The following ITGB8 variants were observed in gnomAD, a reference collection of about 807,000 sequenced individuals.
ITGB8 encodes the protein integrin subunit beta 8.
A neutral mutation model predicts 89.5 loss-of-function variants in ITGB8; 30 were observed. The ratio of observed to expected loss-of-function variants is 0.34; its 90% CI spans 0.25 to 0.45. ITGB8 has a LOEUF of 0.45. Among genes scored for constraint, ITGB8 ranks in the 20% least tolerant of loss-of-function variants. The pLI is 1.00. For missense variants in ITGB8, 836 were observed against 933.3 expected (o/e 0.90, Z 1.36); for synonymous variants, 335 against 320.4 (o/e 1.05, Z -0.49).
chr7:20,349,125 CT>C (rs1334674517), intron 1 of ITGB8, among the ~76,000 whole-genome samples: 1 of 151,970 alleles, frequency 6.6e-6, no homozygotes, highest in African/African-American at 2.4e-5. Context: ...ATTATCTATC[CT>C]ATAAGATACA....
In ITGB8 at chr7:20,361,516, T is replaced by G. The variant is rs116690593; in HGVS notation, c.128-2121T>G. ...GGAAGCGCAGAAGCACAAAGAGAGCTAAAAGCTTTGGAGCCTTAATCCCAT... is the reference window on the plus strand; with the variant it reads ...GGAAGCGCAGAAGCACAAAGAGAGCGAAAAGCTTTGGAGCCTTAATCCCAT... On this transcript the variant is annotated intron_variant, in intron 1 of 13. Coordinates refer to ENST00000222573, the MANE Select transcript of ITGB8 (RefSeq NM_002214.3). 7.1e-3 allele frequency among the ~76,000 whole-genome samples: 1,085 copies of G among 152,280 alleles called. 21 individuals carry two copies. The highest frequency in any genetic ancestry group is 0.024 in the African/African-American group (1,016 of 41,544).
intron 3 of ITGB8, among the ~76,000 whole-genome samples, chr7:20,367,958 A>G (rs568417132): frequency 6.6e-6 from 1 of 152,352 alleles, no homozygotes; most frequent in Non-Finnish European, 1.5e-5. Context: ...AATTGGATGC[A>G]TGTAGTTTAA....
At chr7:20,383,664 C>T (rs947212047) in intron 6 of ITGB8, among the ~76,000 whole-genome samples, 29 of 152,034 alleles carry the variant, frequency 1.9e-4, no homozygotes. Context: ...GGGAGGATTT[C>T]CTAGGCAAAG....
At chr7:20,403,225 G>C (rs144848490) in intron 10 of ITGB8, among the ~76,000 whole-genome samples, 2 of 152,160 alleles carry the variant, frequency 1.3e-5, no homozygotes, top group Admixed American at 6.5e-5. Flanking sequence ...ATGGATTATA[G>C]ATGACTTTAG....
chr7:20,389,158 G>C (rs1786753820), intron 6 of ITGB8, among the ~76,000 whole-genome samples: 1 of 152,026 alleles, frequency 6.6e-6, no homozygotes. Flanking sequence ...GGGATTGCTG[G>C]GTCCAATGAT....
At chr7:20,354,627 A>G (rs1294492550) in intron 1 of ITGB8, among the ~76,000 whole-genome samples, 4 of 152,180 alleles carry the variant, frequency 2.6e-5, no homozygotes, top group Non-Finnish European at 5.9e-5. Context: ...CTCGGCTTCT[A>G]TGAGACAAGT....
At position 20,401,887 on chromosome 7, in the gene ITGB8, A is replaced by G. The variant is rs779022693; in HGVS notation, c.1448A>G (p.Asp483Gly). 1 of 1,614,116 alleles carries G rather than the reference A, an allele frequency of 6.2e-7. No homozygotes were observed. The highest frequency in any genetic ancestry group is 8.5e-7 in the Non-Finnish European group (1 of 1,179,984). ...DNRGPKGKCV[D>G]ETFLDSKCFQ... ...AGAGGACCTAAAGGAAAGTGTGTAG[A>G]TGAAACTTTTCTAGATTCCAAGTGT... The change falls in exon 10 of 14, where the codon GAT becomes GGT. Residue 483 changes from aspartate (D) to glycine (G), a missense_variant. This residue lies in a region of ITGB8 where 422 missense variants were observed against 416.9 expected (regional missense o/e 1.01). Coordinates refer to ENST00000222573, the MANE Select transcript of ITGB8 (RefSeq NM_002214.3).
intron 3 of ITGB8, 147 bp downstream of exon 3, chr7:20,367,333 G>A (rs1225893980): frequency 1.8e-5 from 12 of 666,990 alleles, no homozygotes; most frequent in Non-Finnish European, 3.1e-5. Context: ...TAGAATTCTA[G>A]TCTTTATAGT....
intron 10 of ITGB8, among the ~76,000 whole-genome samples, chr7:20,403,559 G>A (rs572212790): frequency 9.2e-5 from 14 of 152,292 alleles, no homozygotes; most frequent in African/African-American, 2.9e-4. Flanking sequence ...GCCTGCTGGC[G>A]GGGAGTCAGC....
chr7:20,341,432 T>C (rs1463885920), intron 1 of ITGB8, among the ~76,000 whole-genome samples: 1 of 152,138 alleles, frequency 6.6e-6, no homozygotes, highest in African/African-American at 2.4e-5. Context: ...ACAAGGGCCC[T>C]AAAGTGAGGG....
intron 3 of ITGB8, among the ~76,000 whole-genome samples, chr7:20,369,998 C>A (rs1785861169): frequency 6.6e-6 from 1 of 150,990 alleles, no homozygotes; most frequent in African/African-American, 2.4e-5. Flanking sequence ...AAAAATGAAT[C>A]CAGATGAACT....
chr7:20,340,074 G>T (rs1046417723), intron 1 of ITGB8, among the ~76,000 whole-genome samples: 1 of 152,052 alleles, frequency 6.6e-6, no homozygotes, highest in Non-Finnish European at 1.5e-5. Context: ...CAGCATATAG[G>T]GTCTTATAAA....
chr7:20,367,052 T>G lies in ITGB8; in HGVS notation c.254T>G (p.Ile85Ser). ...SGGSRSERCD[I>S]VSNLISKGCS... The stretch of plus-strand genomic sequence containing the variant: ...GGATCAAGAAGTGAACGTTGTGATA[T>G]TGTTTCCAATTTAATAAGCAAAGGC... Residue 85 changes from isoleucine to serine, a missense_variant, in exon 3 of 14, where the codon ATT becomes AGT. Ile to Ser is a moderately radical substitution (Grantham distance 142). Coordinates refer to ENST00000222573, the MANE Select transcript of ITGB8 (RefSeq NM_002214.3). The G allele has an allele frequency of 6.2e-7, 1 of 1,612,624 alleles. No individual in the cohort carries two copies. The highest frequency in any genetic ancestry group is 8.5e-7 in the Non-Finnish European group (1 of 1,179,400).
chr7:20,360,019 T>A (rs1366681303), intron 1 of ITGB8, among the ~76,000 whole-genome samples: 1 of 152,154 alleles, frequency 6.6e-6, no homozygotes, highest in Non-Finnish European at 1.5e-5. Flanking sequence ...TTCCTGTAGC[T>A]ATGTAGAACC....
chr7:20,384,058 A>G (rs1448982619), intron 6 of ITGB8, among the ~76,000 whole-genome samples: 1 of 152,148 alleles, frequency 6.6e-6, no homozygotes, highest in East Asian at 1.9e-4. Flanking sequence ...CTTGGCCATG[A>G]ATTTATACAT....
At chr7:20,371,865 C>T (rs1276751465) in intron 3 of ITGB8, among the ~76,000 whole-genome samples, 1 of 152,176 alleles carries the variant, frequency 6.6e-6, no homozygotes, top group African/African-American at 2.4e-5. Context: ...ATTATTCACA[C>T]AAAAAATTCG....
intron 5 of ITGB8, 23 bp from the exon 6 acceptor site, chr7:20,381,704 C>T: frequency 1.3e-6 from 2 of 1,577,210 alleles, no homozygotes; most frequent in Non-Finnish European, 1.7e-6. Flanking sequence ...TGTACAAAGT[C>T]TAATTACATG....
rs1444735755 is a variant in ITGB8, at chr7:20,409,894, G to C, written c.2207G>C (p.Ser736Thr). The C allele has an allele frequency of 6.2e-7, 1 of 1,613,578 alleles. No individual in the cohort carries two copies. Among genetic ancestry groups the C allele is most frequent in the East Asian group, 2.2e-5 (1 of 44,876 alleles). ...ASKKDKLILQ[S>T]VCTRAVTYRR... ...ATTAAGGATAAGTTGATTCTGCAAAGTGTTTGCACAAGAGCAGTCACCTAC... is the reference window on the plus strand; with the variant it reads ...ATTAAGGATAAGTTGATTCTGCAAACTGTTTGCACAAGAGCAGTCACCTAC... The change falls in exon 14 of 14, where the codon AGT becomes ACT. Residue 736 changes from serine (S) to threonine (T), a missense_variant. By Grantham distance (58) the Ser-to-Thr change is moderately conservative. Transcript: ENST00000222573.
At chr7:20,344,814 T>C (rs955886898) in intron 1 of ITGB8, among the ~76,000 whole-genome samples, 18 of 152,196 alleles carry the variant, frequency 1.2e-4, no homozygotes, top group Non-Finnish European at 2.6e-4. Context: ...TTTTGGGCAA[T>C]GCAGGGGAGA....
Sources: allele counts gnomAD v4.1 joint callset (sites outside exome capture counted in the v4.1 genomes callset), GRCh38; gene constraint gnomAD v4.1.1; regional missense constraint gnomAD v4.1.1; transcripts MANE v1.5; gene names NCBI Gene and HGNC (gene_info 2026-07-23, HGNC 2026-07-21).